Variants in LARGE1 observed in about 807,000 individuals in gnomAD.
LARGE1 encodes the protein xylosyl- and glucuronyltransferase LARGE1.
A neutral mutation model predicts 87.6 loss-of-function variants in LARGE1; 43 were observed. That is an observed-to-expected ratio of 0.49 (90% CI 0.38 to 0.63). The LOEUF (loss-of-function observed/expected upper bound fraction) is 0.63. LARGE1 is among the 30% of genes least tolerant of loss of function. The pLI, the probability that LARGE1 is intolerant of heterozygous loss-of-function variation, is 0.00. For synonymous variants in LARGE1, 434 were observed against 394.6 expected (o/e 1.10, Z -1.18); for missense variants, 802 against 1,000.2 (o/e 0.80, Z 2.67).
At chr22:33,303,606 G>C (rs1934456577) in intron 12 of LARGE1, among the ~76,000 whole-genome samples, 1 of 151,974 alleles carries the variant, frequency 6.6e-6, no homozygotes. Context: ...GAAGAAGGAG[G>C]GTATGTTTTC....
At chr22:33,807,329 A>G (rs2086344397) in intron 1 of LARGE1, among the ~76,000 whole-genome samples, 1 of 152,236 alleles carries the variant, frequency 6.6e-6, no homozygotes, top group South Asian at 2.1e-4. Flanking sequence ...TAGGTGTTCA[A>G]TAAGCATTCA....
chr22:33,554,805 C>A (rs1378521515), intron 6 of LARGE1, among the ~76,000 whole-genome samples: 2 of 152,166 alleles, frequency 1.3e-5, no homozygotes, highest in African/African-American at 4.8e-5. Context: ...CCCTTTATAC[C>A]TCTCTTACCT....
At chr22:33,883,039 A>G (rs536660831) in intron 1 of LARGE1, among the ~76,000 whole-genome samples, 2 of 152,302 alleles carry the variant, frequency 1.3e-5, no homozygotes, top group South Asian at 4.1e-4. Flanking sequence ...AATAATAACC[A>G]AGAATGGGTT....
intron 6 of LARGE1, among the ~76,000 whole-genome samples, chr22:33,481,399 G>T (rs1237873768): frequency 6.6e-6 from 1 of 151,844 alleles, no homozygotes; most frequent in Non-Finnish European, 1.5e-5. Flanking sequence ...ATGTCTGTGG[G>T]CCATTATTTT....
the LARGE1 span, among the ~76,000 whole-genome samples, chr22:33,099,268 CT>C: frequency 0.071 from 2 of 28 alleles, no homozygotes; most frequent in African/African-American, 0.2. Context: ...ATTAATTTTT[CT>C]TGAGAGGGAG....
At chr22:33,390,029 A>G (rs567367965) in intron 7 of LARGE1, among the ~76,000 whole-genome samples, 7 of 152,328 alleles carry the variant, frequency 4.6e-5, no homozygotes, top group Admixed American at 4.6e-4. Flanking sequence ...GGTTCTCGCC[A>G]TAATTTAATT....
chr22:33,095,568 A>G, the LARGE1 span, among the ~76,000 whole-genome samples: 1 of 152,238 alleles, frequency 6.6e-6, no homozygotes, highest in Non-Finnish European at 1.5e-5. Flanking sequence ...GGAGGAGAAC[A>G]TAATTCAACC....
At chr22:33,716,618 G>A (rs147472407) in intron 2 of LARGE1, among the ~76,000 whole-genome samples, 34 of 152,208 alleles carry the variant, frequency 2.2e-4, no homozygotes, top group Admixed American at 1.8e-3. Context: ...GGCTGGTCTC[G>A]AACTCCTGCA....
intron 2 of LARGE1, among the ~76,000 whole-genome samples, chr22:33,711,653 G>C (rs2082734722): frequency 6.6e-6 from 1 of 152,094 alleles, no homozygotes; most frequent in Non-Finnish European, 1.5e-5. Flanking sequence ...GAGTTTGTTT[G>C]TGTTTGTTTT....
At chr22:33,691,069 C>T (rs1247125268) in intron 2 of LARGE1, among the ~76,000 whole-genome samples, 1 of 152,180 alleles carries the variant, frequency 6.6e-6, no homozygotes, top group South Asian at 2.1e-4. Context: ...CCCAGGTTGA[C>T]TGGGCAGCCC....
At chr22:33,372,517 G>A (rs1303989639) in intron 9 of LARGE1, among the ~76,000 whole-genome samples, 1 of 152,138 alleles carries the variant, frequency 6.6e-6, no homozygotes. Context: ...ATGGCAGCAG[G>A]CAAGACAGAG....
chr22:33,905,044 GTTTTTTTTTTTTAATTCCT>G, intron 1 of LARGE1, among the ~76,000 whole-genome samples: 1 of 126,796 alleles, frequency 7.9e-6, no homozygotes, highest in South Asian at 2.7e-4. Context: ...AGGTATTTAA[GTTTTTTTTTTTTAATTCCT>G]TTTTTTTTTT....
In LARGE1 at chr22:33,688,610, C is replaced by T. The variant is rs543722493; in HGVS notation, c.107-37942G>A. Among the ~76,000 whole-genome samples, 298 of 152,284 alleles carry T rather than the reference C, an allele frequency of 2.0e-3. 2 individuals carry two copies. The highest frequency in any genetic ancestry group is 3.4e-3 in the Non-Finnish European group (232 of 68,024). ...AGGTCATCTGCCTGCCTTGGCCTCCCAAAGTGCTGGGATTATAGGTGTGAG... is the reference window on the plus strand; with the variant it reads ...AGGTCATCTGCCTGCCTTGGCCTCCTAAAGTGCTGGGATTATAGGTGTGAG... On this transcript the variant is annotated intron_variant, in intron 2 of 14. Transcript: ENST00000397394.
intron 11 of LARGE1, among the ~76,000 whole-genome samples, chr22:33,246,713 T>C (rs1266303357): frequency 6.6e-6 from 1 of 152,214 alleles, no homozygotes; most frequent in Non-Finnish European, 1.5e-5. Context: ...CCAGCACATA[T>C]TGTGCTTTAC....
At chr22:33,262,896 C>T (rs969996812) in intron 11 of LARGE1, among the ~76,000 whole-genome samples, 1 of 151,202 alleles carries the variant, frequency 6.6e-6, no homozygotes. Context: ...CCTCCCCTCC[C>T]CTTCCGTTCT....
intron 3 of LARGE1, among the ~76,000 whole-genome samples, chr22:33,639,681 C>T (rs755158857): frequency 6.6e-6 from 1 of 152,208 alleles, no homozygotes; most frequent in African/African-American, 2.4e-5. Flanking sequence ...GTTCCAGTGA[C>T]TGTTTTTTCT....
chr22:33,836,218 C>T (rs1176851560), intron 1 of LARGE1, among the ~76,000 whole-genome samples: 1 of 111,968 alleles, frequency 8.9e-6, no homozygotes, highest in East Asian at 2.4e-4. Context: ...TGGCTCTGGC[C>T]CCCATTCACT....
At chr22:33,154,348 C>A in the LARGE1 span, among the ~76,000 whole-genome samples, 5 of 152,282 alleles carry the variant, frequency 3.3e-5, no homozygotes, top group East Asian at 9.7e-4. Context: ...TCAGGCGATT[C>A]TCCTGCCTCA....
chr22:33,134,328 T>C, the LARGE1 span, among the ~76,000 whole-genome samples: 3 of 149,368 alleles, frequency 2.0e-5, no homozygotes, highest in Non-Finnish European at 4.4e-5. Context: ...GTGCAATCTC[T>C]GCTCACTGCA....
Sources: allele counts gnomAD v4.1 joint callset (sites outside exome capture counted in the v4.1 genomes callset), GRCh38; gene constraint gnomAD v4.1.1; transcripts MANE v1.5; gene names NCBI Gene and HGNC (gene_info 2026-07-23, HGNC 2026-07-21).